The following PXDNL variants were observed in gnomAD, a reference collection of about 807,000 sequenced individuals.
PXDNL encodes peroxidasin like.
Under a neutral mutation model 150.8 loss-of-function variants are expected in PXDNL, and 145 were observed. The ratio of observed to expected loss-of-function variants is 0.96; its 90% confidence interval spans 0.84 to 1.10. The LOEUF is 1.10. PXDNL is among the 50% of genes least tolerant of loss of function. The pLI, the probability that PXDNL is intolerant of heterozygous loss-of-function variation, is 0.00. For synonymous variants in PXDNL, 757 were observed against 725.7 expected, an observed-to-expected ratio of 1.04 and a Z score of -0.69; for missense variants, 2,087 against 1,873.9, an observed-to-expected ratio of 1.11 and a Z score of -2.10.
chr8:51,520,227 C>T (rs914650933), intron 4 of PXDNL, among the ~76,000 whole-genome samples: 2 of 152,184 alleles, frequency 1.3e-5, no homozygotes, highest in Non-Finnish European at 2.9e-5. Context: ...GGGAAGAACA[C>T]GGCCAGAGGG....
At chr8:51,541,214 C>A (rs935262626) in intron 4 of PXDNL, among the ~76,000 whole-genome samples, 1 of 148,072 alleles carries the variant, frequency 6.8e-6, no homozygotes, top group African/African-American at 2.6e-5. Flanking sequence ...GCCAAGATGG[C>A]ACCGCTGCAC....
Position 51,426,763 on chromosome 8 carries a change from G to A in PXDNL, c.1526-5C>T, listed in dbSNP as rs1350146979. On this transcript the variant is annotated splice_region_variant and splice_polypyrimidine_tract_variant and intron_variant, in intron 12 of 22. Transcript: ENST00000356297. ...GTTGAGTAAACACTGCAAGAGCTGT[G>A]GAAACAAACCAAAATAACATCATGT... 4 of 1,505,094 alleles carry A rather than the reference G, an allele frequency of 2.7e-6. No individual in the cohort carries two copies. The highest frequency in any genetic ancestry group is 3.7e-6 in the Non-Finnish European group (4 of 1,093,896). 93.2% of individuals were successfully genotyped at this position (1,505,094 alleles called of 1,614,324 possible).
intron 5 of PXDNL, among the ~76,000 whole-genome samples, chr8:51,485,374 C>T (rs1044969810): frequency 4.6e-5 from 7 of 152,188 alleles, no homozygotes; most frequent in African/African-American, 1.7e-4. Context: ...GACAAAGACT[C>T]TCTTCTTGAC....
At chr8:51,439,065 A>G (rs1809478222) in intron 12 of PXDNL, among the ~76,000 whole-genome samples, 1 of 152,236 alleles carries the variant, frequency 6.6e-6, no homozygotes, top group African/African-American at 2.4e-5. Context: ...ACAAACAAAG[A>G]TAAATAAATG....
At chr8:51,553,740 TTA>T (rs747698313) in intron 4 of PXDNL, among the ~76,000 whole-genome samples, 1,450 of 112,632 alleles carry the variant, frequency 0.013, 20 homozygotes, top group South Asian at 0.04. Flanking sequence ...GTGAGGGATT[TTA>T]TATATATATA....
chr8:51,703,844 C>T (rs113893046), intron 1 of PXDNL, among the ~76,000 whole-genome samples: 5,327 of 152,240 alleles, frequency 0.035, 296 homozygotes, highest in African/African-American at 0.12. Context: ...AAAATCTTTT[C>T]TTGGACAATT....
chr8:51,691,785 TG>T (rs1816005330), intron 1 of PXDNL, among the ~76,000 whole-genome samples: 2 of 152,160 alleles, frequency 1.3e-5, no homozygotes, highest in African/African-American at 4.8e-5. Flanking sequence ...TACCATATCT[TG>T]TTATTTTTCA....
At position 51,374,592 on chromosome 8, in the gene PXDNL, T is replaced by C. The variant is rs1299193326; in HGVS notation, c.3692+5A>G. On this transcript the variant is annotated splice_donor_5th_base_variant and intron_variant, in intron 18 of 22. Transcript: ENST00000356297. ...ATTTAATAAGTATAACAGATAATCA[T>C]TCACCTATCTCCATCTCTTAGCCGC... 1.9e-6 allele frequency: 3 copies of C among 1,613,706 alleles called. No individual in the cohort carries two copies. Among genetic ancestry groups the C allele is most frequent in the Non-Finnish European group, 1.7e-6 (2 of 1,179,714 alleles).
At chr8:51,445,814 A>G (rs1342866965) in intron 12 of PXDNL, among the ~76,000 whole-genome samples, 7 of 152,212 alleles carry the variant, frequency 4.6e-5, no homozygotes, top group African/African-American at 1.7e-4. Context: ...AGTTTGAAAC[A>G]TTCTGCAGAC....
intron 4 of PXDNL, among the ~76,000 whole-genome samples, chr8:51,515,009 A>G (rs1811504704): frequency 6.6e-6 from 1 of 152,198 alleles, no homozygotes; most frequent in African/African-American, 2.4e-5. Flanking sequence ...AGTAAAGAAT[A>G]AAGAGAATTA....
At chr8:51,537,747 G>T (rs1033842545) in intron 4 of PXDNL, among the ~76,000 whole-genome samples, 2 of 152,198 alleles carry the variant, frequency 1.3e-5, no homozygotes, top group Non-Finnish European at 2.9e-5. Context: ...AGTAAGTTAT[G>T]CTCTTTACAT....
chr8:51,339,201 C>T (rs538235157), intron 21 of PXDNL, among the ~76,000 whole-genome samples: 15 of 152,260 alleles, frequency 9.9e-5, no homozygotes, highest in Non-Finnish European at 2.1e-4. Context: ...GACTCACACC[C>T]GTAATCCCAG....
intron 2 of PXDNL, among the ~76,000 whole-genome samples, chr8:51,633,852 T>C (rs553031696): frequency 3.7e-4 from 57 of 152,298 alleles, no homozygotes; most frequent in African/African-American, 1.3e-3. Context: ...CTTCTTTAAT[T>C]GTTTAAGTTC....
chr8:51,778,555 T>C (rs1210087172), intron 1 of PXDNL, among the ~76,000 whole-genome samples: 1 of 152,182 alleles, frequency 6.6e-6, no homozygotes, highest in East Asian at 1.9e-4. Flanking sequence ...TGCTCATTAT[T>C]TATTTCCTAC....
At chr8:51,695,079 G>A (rs1487225228) in intron 1 of PXDNL, among the ~76,000 whole-genome samples, 4 of 152,140 alleles carry the variant, frequency 2.6e-5, no homozygotes, top group Admixed American at 1.3e-4. Context: ...TGGATGCTAA[G>A]GGCTGGATAC....
chr8:51,367,027 G>A (rs1029682548), intron 19 of PXDNL, among the ~76,000 whole-genome samples: 3 of 142,974 alleles, frequency 2.1e-5, no homozygotes, highest in Admixed American at 7.3e-5. Flanking sequence ...CTTAAACCTG[G>A]GAGGTGGAGG....
intron 3 of PXDNL, among the ~76,000 whole-genome samples, chr8:51,581,759 T>C (rs945107369): frequency 2.6e-5 from 4 of 152,154 alleles, no homozygotes; most frequent in Non-Finnish European, 5.9e-5. Context: ...TATTCCTTAA[T>C]ATTAAATCTT....
intron 4 of PXDNL, among the ~76,000 whole-genome samples, chr8:51,554,746 T>C (rs1214781780): frequency 6.6e-6 from 1 of 152,200 alleles, no homozygotes; most frequent in Admixed American, 6.5e-5. Flanking sequence ...CATTACCTTG[T>C]TCCTCATTTC....
At position 51,372,398 on chromosome 8, in the gene PXDNL, T is replaced by C. The variant is rs528831270; in HGVS notation, c.3693-317A>G. 2.6e-5 allele frequency among the ~76,000 whole-genome samples: 4 copies of C among 152,360 alleles called. No homozygotes were observed. In the South Asian group the frequency reaches 8.3e-4, roughly 32 times the overall value. ...TTTTTTTTAATTTTTAATTATTTTT[T>C]GAGACGGAGTCTCATTCACTCTGTA... On this transcript the variant is annotated intron_variant, in intron 18 of 22. Transcript: ENST00000356297.
Sources: allele counts gnomAD v4.1 joint callset (sites outside exome capture counted in the v4.1 genomes callset), GRCh38; gene constraint gnomAD v4.1.1; transcripts MANE v1.5; gene names NCBI Gene and HGNC (gene_info 2026-07-23, HGNC 2026-07-21).